Variants in MEX3D observed in about 807,000 individuals in gnomAD.
MEX3D encodes RNA-binding protein MEX3D.
A neutral mutation model predicts 6.3 loss-of-function variants in MEX3D; 4 were observed. The observed-to-expected ratio is 0.64, with a 90% CI of 0.31 to 1.46. MEX3D has a LOEUF of 1.46. MEX3D is among the 40% of genes most tolerant of loss of function. The pLI is 0.07. For missense variants in MEX3D, 1,038 were observed against 994.4 expected (o/e 1.04, Z -0.59); for synonymous variants, 626 against 494.1 (o/e 1.27, Z -3.54).
chr19:1,555,761 C>A lies in MEX3D; in HGVS notation c.1758G>T (p.Lys586Asn), dbSNP rs1914519422. ...LDSGASENSR[K>N]PPSASSAPAL... ...CCGGGGCCGAGGACGCCGAAGGGGG[C>A]TTGCGGCTGTTCTCGGAGGCGCCGG... Residue 586 changes from lysine (K) to asparagine (N), a missense_variant, in exon 2 of 2, where the codon AAG becomes AAT. Lys to Asn is a moderately conservative substitution (Grantham distance 94). Coordinates refer to ENST00000402693, the MANE Select transcript of MEX3D (RefSeq NM_203304.4). 1.3e-6 allele frequency: 2 copies of A among 1,493,494 alleles called. No homozygotes were observed. The highest frequency in any genetic ancestry group is 1.8e-6 in the Non-Finnish European group (2 of 1,127,918). 92.5% of individuals were successfully genotyped at this position (1,493,494 alleles called of 1,614,324 possible).
chr19:1,558,500 C>T (rs898535175), intron 1 of MEX3D, among the ~76,000 whole-genome samples: 1 of 152,120 alleles, frequency 6.6e-6, no homozygotes, highest in Non-Finnish European at 1.5e-5. Context: ...AGGCGCCCCC[C>T]GCCCTGCCCA....
At position 1,556,218 on chromosome 19, in the gene MEX3D, A is replaced by G. The variant is rs1914549154; in HGVS notation, c.1301T>C (p.Phe434Ser). ...CGGGGCACCGGGACCCTCCGCGCCG[A>G]AGGCGAAGCCCCCGTTGCCGGAGCC... is the stretch of plus-strand genomic sequence containing the variant. ...YSGSGNGGFA[F>S]GAEGPGAPVG... Residue 434 changes from phenylalanine (F) to serine (S), a missense_variant, in exon 2 of 2, where the codon TTC becomes TCC. Coordinates refer to ENST00000402693, the MANE Select transcript of MEX3D (RefSeq NM_203304.4). This position sits in a 1 kb window ranked among gnomAD's most constrained non-coding sequence, Gnocchi z 7.5. 1.4e-6 allele frequency: 2 copies of G among 1,424,558 alleles called. No homozygotes were observed. The allele number at this position is 1,424,558 out of a possible 1,614,324, so 88.2% of individuals were successfully genotyped here. A position where few individuals can be genotyped will look rare whatever the true frequency, so the allele number is the denominator to read the frequency against.
chr19:1,567,369 C>A lies in MEX3D; in HGVS notation c.595+95G>T. On this transcript the variant is annotated intron_variant, in intron 1 of 1. Coordinates refer to ENST00000402693, the MANE Select transcript of MEX3D (RefSeq NM_203304.4). This position sits in a 1 kb window ranked among gnomAD's most constrained non-coding sequence, Gnocchi z 6.5. Reference sequence around the variant, plus strand: ...GCGGGGCGTGTCCGGTGCGGGGCGTCCGGCGCGGGCTGGGCTGGGCTCGGG... The same window carrying A: ...GCGGGGCGTGTCCGGTGCGGGGCGTACGGCGCGGGCTGGGCTGGGCTCGGG... 2 of 1,335,264 alleles carry A rather than the reference C, an allele frequency of 1.5e-6. No individual in the cohort carries two copies. Among genetic ancestry groups the A allele is most frequent in the Non-Finnish European group, 1.9e-6 (2 of 1,037,948 alleles). The allele number at this position is 1,335,264 out of a possible 1,614,324, so 82.7% of individuals were successfully genotyped here.
In MEX3D at chr19:1,555,871, C is replaced by G. The variant is rs1417922368; in HGVS notation, c.1648G>C (p.Val550Leu). The part of the protein sequence containing the change: ...ALSWRPPQGP[V>L]SFPGGAAFST... ...AAGGCGGCGCCGCCTGGGAAGGATA[C>G]GGGGCCCTGCGGGGGTCGCCAGGAC... is the stretch of plus-strand genomic sequence containing the variant. Residue 550 changes from valine (V) to leucine (L), a missense_variant, in exon 2 of 2, where the codon GTA becomes CTA. Val to Leu is a conservative substitution (Grantham distance 32, BLOSUM62 1). Transcript: ENST00000402693. 2 of 1,308,430 alleles carry G rather than the reference C, an allele frequency of 1.5e-6. No homozygotes were observed. Among genetic ancestry groups the G allele is most frequent in the Non-Finnish European group, 9.7e-7 (1 of 1,032,018 alleles). The allele number at this position is 1,308,430 out of a possible 1,614,324, so 81.1% of individuals were successfully genotyped here. A position where few individuals can be genotyped will look rare whatever the true frequency, so the allele number is the denominator to read the frequency against.
intron 1 of MEX3D, among the ~76,000 whole-genome samples, chr19:1,562,317 G>C (rs942174268): frequency 6.7e-6 from 1 of 148,698 alleles, no homozygotes; most frequent in African/African-American, 2.5e-5. Context: ...ACGAGGTCAG[G>C]AGTTCGAGAC....
chr19:1,567,924 C>A lies in MEX3D; in HGVS notation c.135G>T (p.Ala45=), dbSNP rs1914892891. The change falls in exon 1 of 2, where the codon GCG becomes GCT. Residue 45 remains alanine (A), a synonymous_variant. Transcript: ENST00000402693. This position sits in a 1 kb window ranked among gnomAD's most constrained non-coding sequence, Gnocchi z 6.5. ...PPEGAQEAAP[A]PRPPPEPDDA... The stretch of plus-strand genomic sequence containing the variant: ...CGTCGGGTTCGGGCGGCGGCCGGGG[C>A]GCGGGCGCGGCCTCCTGGGCGCCCT... 2 of 978,734 alleles carry A rather than the reference C, an allele frequency of 2.0e-6. No homozygotes were observed. The highest frequency in any genetic ancestry group is 1.8e-5 in the African/African-American group (1 of 56,130). 60.6% of individuals were successfully genotyped at this position (978,734 alleles called of 1,614,324 possible).
rs780684906 is a variant in MEX3D at position 1,556,369 on chromosome 19, G to A, written c.1150C>T (p.Pro384Ser). The change falls in exon 2 of 2, where the codon CCC becomes TCC. Residue 384 changes from proline (P) to serine (S), a missense_variant. Physicochemically the swap from Pro to Ser is moderately conservative, Grantham distance 74. Coordinates refer to ENST00000402693, the MANE Select transcript of MEX3D (RefSeq NM_203304.4). The surrounding 1 kb of genome is among the most constrained non-coding windows in gnomAD (Gnocchi z 7.5). ...AKTPNQGRRP[P>S]TATAGLRGDT... ...CCGCGGAGGCCGGCCGTGGCCGTGG[G>A]GGGCCGTCGTCCCTGGTTGGGGGTC... is the stretch of plus-strand genomic sequence containing the variant. 1 of 1,487,230 alleles carries A rather than the reference G, an allele frequency of 6.7e-7. No individual in the cohort carries two copies. Among genetic ancestry groups the A allele is most frequent in the South Asian group, 1.3e-5 (1 of 75,206 alleles). 92.1% of individuals were successfully genotyped at this position (1,487,230 alleles called of 1,614,324 possible). A position where few individuals can be genotyped will look rare whatever the true frequency, so the allele number is the denominator to read the frequency against.
In MEX3D at chr19:1,568,005, G is replaced by C. The variant is rs1914897801; in HGVS notation, c.54C>G (p.Gly18=). Residue 18 remains glycine (G), a synonymous_variant, in exon 1 of 2, where the codon GGC becomes GGG. Coordinates refer to ENST00000402693, the MANE Select transcript of MEX3D (RefSeq NM_203304.4). ...PDGGGGGGGG[G]GGVGAAGEDP... ...CCTCCCCCGCCGCCCCCACGCCGCC[G>C]CCGCCGCCGCCCCCGCCCCCGCCGC... 1 of 977,346 alleles carries C rather than the reference G, an allele frequency of 1.0e-6. No homozygotes were observed. Among genetic ancestry groups the C allele is most frequent in the Non-Finnish European group, 1.2e-6 (1 of 826,952 alleles). The allele number at this position is 977,346 out of a possible 1,614,324, so 60.5% of individuals were successfully genotyped here.
chr19:1,566,243 T>G (rs1043902704), intron 1 of MEX3D, among the ~76,000 whole-genome samples: 15 of 152,022 alleles, frequency 9.9e-5, no homozygotes, highest in African/African-American at 3.6e-4. Context: ...GCATGCTTCC[T>G]GGGGCCAGCA....
In MEX3D at chr19:1,555,542, G is replaced by A. The variant is rs746216044; in HGVS notation, c.*21C>T. The A allele has an allele frequency of 1.4e-6, 2 of 1,435,340 alleles. No individual in the cohort carries two copies. Among genetic ancestry groups the A allele is most frequent in the East Asian group, 3.0e-5 (1 of 33,018 alleles). The allele number at this position is 1,435,340 out of a possible 1,614,324, so 88.9% of individuals were successfully genotyped here. A position where few individuals can be genotyped will look rare whatever the true frequency, so the allele number is the denominator to read the frequency against. ...ACCCCTGGCCCCCGCAGATGGCCCC[G>A]GCCACGTGGTGGTCCGCGCTCTAGG... On this transcript the variant is annotated 3_prime_UTR_variant, in exon 2 of 2. Coordinates refer to ENST00000402693, the MANE Select transcript of MEX3D (RefSeq NM_203304.4).
rs1323859687 is a variant in MEX3D at position 1,556,561 on chromosome 19, C to T, written c.958G>A (p.Val320Ile). ...TCCACGTTCTCGGGCATCCCAGTGA[C>T]CGCGAACACCGGCTCCTTGTCGCGC... ...PGRDKEPVFA[V>I]TGMPENVDRA... The change falls in exon 2 of 2, where the codon GTC (valine) becomes ATC (isoleucine). Residue 320 changes from valine to isoleucine, a missense_variant. Coordinates refer to ENST00000402693, the MANE Select transcript of MEX3D (RefSeq NM_203304.4). The surrounding 1 kb of genome is among the most constrained non-coding windows in gnomAD (Gnocchi z 7.5). 4 of 1,608,534 alleles carry T rather than the reference C, an allele frequency of 2.5e-6. No individual in the cohort carries two copies. The highest frequency in any genetic ancestry group is 3.4e-6 in the Non-Finnish European group (4 of 1,178,276).
At position 1,555,952 on chromosome 19, in the gene MEX3D, G is replaced by A; in HGVS notation, c.1567C>T (p.Leu523Phe). Residue 523 changes from leucine to phenylalanine, a missense_variant, in exon 2 of 2, where the codon CTC becomes TTC. Leu to Phe is a conservative substitution (Grantham distance 22). Around this residue, in one of 5 missense-constraint regions of MEX3D, gnomAD observed 581 missense variants for 516.2 expected, o/e 1.13. Coordinates refer to ENST00000402693, the MANE Select transcript of MEX3D (RefSeq NM_203304.4). ...HSPTLPEPGG[L>F]RLELPLSRRG... ...CGAGACAGCGGGAGCTCCAGGCGGA[G>A]GCCGCCGGGCTCGGGCAGCGTGGGC... 1 of 1,171,350 alleles carries A rather than the reference G, an allele frequency of 8.5e-7. No homozygotes were observed. Among genetic ancestry groups the A allele is most frequent in the Non-Finnish European group, 1.1e-6 (1 of 949,454 alleles). 72.6% of individuals were successfully genotyped at this position (1,171,350 alleles called of 1,614,324 possible). A position where few individuals can be genotyped will look rare whatever the true frequency, so the allele number is the denominator to read the frequency against.
In MEX3D at chr19:1,556,337, C is replaced by A. The variant is rs774314774; in HGVS notation, c.1182G>T (p.Thr394=). The A allele has an allele frequency of 7.2e-7, 1 of 1,384,984 alleles. No homozygotes were observed. 85.8% of individuals were successfully genotyped at this position (1,384,984 alleles called of 1,614,324 possible). A position where few individuals can be genotyped will look rare whatever the true frequency, so the allele number is the denominator to read the frequency against. Residue 394 remains threonine, a synonymous_variant, in exon 2 of 2, where the codon ACG becomes ACT. Transcript: ENST00000402693. The surrounding 1 kb of genome is among the most constrained non-coding windows in gnomAD (Gnocchi z 7.5). ...PTATAGLRGD[T]ALGAPSAPEA... is the part of the protein sequence containing the mutation. The stretch of plus-strand genomic sequence containing the variant: ...CGGGGGCGCTGGGGGCGCCCAGGGC[C>A]GTGTCCCCGCGGAGGCCGGCCGTGG...
intron 1 of MEX3D, among the ~76,000 whole-genome samples, chr19:1,560,937 T>C (rs1246379997): frequency 6.6e-6 from 1 of 151,940 alleles, no homozygotes; most frequent in African/African-American, 2.4e-5. Flanking sequence ...ACAGCGAGGC[T>C]AGAGGGACAG....
In MEX3D at chr19:1,567,923, G is replaced by A. The variant is rs1438487677; in HGVS notation, c.136C>T (p.Pro46Ser). 12 of 979,184 alleles carry A rather than the reference G, an allele frequency of 1.2e-5. No homozygotes were observed. The Admixed American group carries it at 5.7e-4, about 47-fold the overall frequency. 60.7% of individuals were successfully genotyped at this position (979,184 alleles called of 1,614,324 possible). ...TCGTCGGGTTCGGGCGGCGGCCGGG[G>A]CGCGGGCGCGGCCTCCTGGGCGCCC... Reference protein sequence around the residue: ...PEGAQEAAPAPRPPPEPDDAA... With the variant: ...PEGAQEAAPASRPPPEPDDAA... The change falls in exon 1 of 2, where the codon CCC becomes TCC. Residue 46 changes from proline (P) to serine (S), a missense_variant. Coordinates refer to ENST00000402693, the MANE Select transcript of MEX3D (RefSeq NM_203304.4). The surrounding 1 kb of genome is among the most constrained non-coding windows in gnomAD (Gnocchi z 6.5).
At chr19:1,565,725 C>T (rs1390765821) in intron 1 of MEX3D, among the ~76,000 whole-genome samples, 4 of 152,180 alleles carry the variant, frequency 2.6e-5, no homozygotes, top group Non-Finnish European at 5.9e-5. Flanking sequence ...TTGCTGACGG[C>T]CACCAGCAAG....
intron 1 of MEX3D, among the ~76,000 whole-genome samples, chr19:1,562,928 G>C (rs1914754867): frequency 6.6e-6 from 1 of 152,020 alleles, no homozygotes; most frequent in African/African-American, 2.4e-5. Flanking sequence ...TGAGGTGAAA[G>C]AACTGCTTGA....
At position 1,555,140 on chromosome 19, in the gene MEX3D, A is replaced by AC. The variant is rs1914478481; in HGVS notation, c.*422dup. ...CTCTGGAACGTCTGTGCGGCCTGAGACCGGCCGGCGAGAAAAGTCAAATCA... is the reference window on the plus strand; with the variant it reads ...CTCTGGAACGTCTGTGCGGCCTGAGACCCGGCCGGCGAGAAAAGTCAAATCA... On this transcript the variant is annotated 3_prime_UTR_variant, in exon 2 of 2. Transcript: ENST00000402693. The AC allele has an allele frequency of 1.2e-5, 5 of 424,848 alleles. No individual in the cohort carries two copies. Among genetic ancestry groups the AC allele is most frequent in the South Asian group, 1.2e-4 (5 of 43,272 alleles). The allele number at this position is 424,848 out of a possible 1,614,324, so 26.3% of individuals were successfully genotyped here.
intron 1 of MEX3D, among the ~76,000 whole-genome samples, chr19:1,565,897 G>A (rs570863447): frequency 7.2e-5 from 11 of 152,338 alleles, no homozygotes; most frequent in African/African-American, 2.2e-4. Flanking sequence ...CTCCCCATGT[G>A]GCCATAGCCT....
Sources: gnomAD v4.1 joint callset for allele counts (sites outside exome capture counted in the v4.1 genomes callset) on GRCh38, gnomAD v4.1.1 for gene constraint, gnomAD v4.1.1 regional missense constraint, Gnocchi (gnomAD v3.1) non-coding constraint, MANE v1.5 for transcripts, NCBI Gene and HGNC (gene_info 2026-07-23, HGNC 2026-07-21) for gene names.